Variants in KCNJ6 observed in about 807,000 individuals in gnomAD.
KCNJ6 encodes potassium inwardly rectifying channel subfamily J member 6.
In KCNJ6, 9 loss-of-function variants were observed where a neutral mutation model predicts 34.2. That is an observed-to-expected ratio of 0.26 (90% CI 0.16 to 0.46). The LOEUF is 0.46. Among genes scored for constraint, KCNJ6 ranks in the 20% least tolerant of loss-of-function variants. The pLI, the probability that KCNJ6 is intolerant of heterozygous loss-of-function variation, is 1.00. For synonymous variants in KCNJ6, 196 were observed against 207.1 expected (o/e 0.95, Z 0.46); for missense variants, 236 against 531.3 (o/e 0.44, Z 5.46).
intron 3 of KCNJ6, among the ~76,000 whole-genome samples, chr21:37,690,086 TAAAATTGTTTGATTGAA>T (rs2054632832): frequency 6.8e-6 from 1 of 147,038 alleles, no homozygotes; most frequent in Admixed American, 7.0e-5. Flanking sequence ...ATTATGCAAT[TAAAATTGTTTGATTGAA>T]ATTGTTTGAT....
chr21:37,904,565 A>C (rs1028233023), intron 1 of KCNJ6, among the ~76,000 whole-genome samples: 1 of 152,150 alleles, frequency 6.6e-6, no homozygotes, highest in Admixed American at 6.5e-5. Flanking sequence ...CTGTGCCATA[A>C]AGGTTAAGTT....
At chr21:37,636,468 T>G (rs1291683565) in intron 3 of KCNJ6, among the ~76,000 whole-genome samples, 1 of 152,248 alleles carries the variant, frequency 6.6e-6, no homozygotes, top group African/African-American at 2.4e-5. Flanking sequence ...CACTGAGAGC[T>G]TCTCTGTCTG....
chr21:37,809,455 A>G lies in KCNJ6; in HGVS notation c.25+31203T>C, dbSNP rs373258970. On this transcript the variant is annotated intron_variant, in intron 2 of 3. Coordinates refer to ENST00000609713, the MANE Select transcript of KCNJ6 (RefSeq NM_002240.5). ...ACGAGTTAATGGGTGCAGCACACCA[A>G]CATGGCACATGTATACACATGTAAC... is the stretch of plus-strand genomic sequence containing the variant. Among the ~76,000 whole-genome samples the G allele has an allele frequency of 2.6e-3, 398 of 152,044 alleles. 8 individuals are homozygous for G. The East Asian group carries it at 0.052, about 20-fold the overall frequency.
intron 1 of KCNJ6, among the ~76,000 whole-genome samples, chr21:37,908,455 G>A (rs2055852062): frequency 6.6e-6 from 1 of 152,176 alleles, no homozygotes; most frequent in Middle Eastern, 3.2e-3. Context: ...TGGACATTTA[G>A]GGGATTTAAA....
At chr21:37,867,951 T>C (rs774697901) in intron 1 of KCNJ6, among the ~76,000 whole-genome samples, 5 of 152,202 alleles carry the variant, frequency 3.3e-5, no homozygotes, top group Non-Finnish European at 7.3e-5. Context: ...AGCAGGTAGC[T>C]GGGGACAGAA....
intron 3 of KCNJ6, among the ~76,000 whole-genome samples, chr21:37,659,120 A>C (rs1010133922): frequency 9.9e-5 from 15 of 152,196 alleles, no homozygotes; most frequent in African/African-American, 3.6e-4. Context: ...CTGTGTCAAA[A>C]CTGTGCTCTC....
At chr21:37,810,595 C>T (rs991088876) in intron 2 of KCNJ6, among the ~76,000 whole-genome samples, 2 of 152,200 alleles carry the variant, frequency 1.3e-5, no homozygotes, top group Non-Finnish European at 2.9e-5. Context: ...TAAATATGAG[C>T]TTATAGCAGT....
intron 3 of KCNJ6, among the ~76,000 whole-genome samples, chr21:37,641,590 G>A (rs763243666): frequency 6.6e-6 from 1 of 152,106 alleles, no homozygotes; most frequent in Non-Finnish European, 1.5e-5. Flanking sequence ...GGCAACGTGT[G>A]GGGTAAGGGT....
At chr21:37,718,479 G>A (rs542524735) in intron 2 of KCNJ6, among the ~76,000 whole-genome samples, 1 of 152,216 alleles carries the variant, frequency 6.6e-6, no homozygotes, top group African/African-American at 2.4e-5. Flanking sequence ...TTTAGTGTTT[G>A]TAATGAATTA....
Position 37,614,132 on chromosome 21 carries a change from T to C in KCNJ6, c.*11027A>G, listed in dbSNP as rs1267411228. The C allele has an allele frequency of 1.3e-5, 2 of 152,176 alleles. No homozygotes were observed. Among genetic ancestry groups the C allele is most frequent in the African/African-American group, 4.8e-5 (2 of 41,424 alleles). 9.4% of individuals were successfully genotyped at this position (152,176 alleles called of 1,614,324 possible). A position where few individuals can be genotyped will look rare whatever the true frequency, so the allele number is the denominator to read the frequency against. ...AAGCTATTTCCGACCAGTGAAATGA[T>C]ATACCCAGGACGACATTGCTCATCT... On this transcript the variant is annotated 3_prime_UTR_variant, in exon 4 of 4. Coordinates refer to ENST00000609713, the MANE Select transcript of KCNJ6 (RefSeq NM_002240.5).
intron 3 of KCNJ6, among the ~76,000 whole-genome samples, chr21:37,704,657 G>GTTGTCA (rs1556021699): frequency 0.26 from 18,572 of 72,794 alleles, 1,464 homozygotes; most frequent in East Asian, 0.58. Flanking sequence ...AGTATGAGTC[G>GTTGTCA]TCGTCATCAT....
intron 2 of KCNJ6, among the ~76,000 whole-genome samples, chr21:37,804,198 C>T (rs1169613766): frequency 6.6e-6 from 1 of 152,114 alleles, no homozygotes; most frequent in East Asian, 1.9e-4. Context: ...CAAGTGTTGA[C>T]AAGGATGTGG....
At chr21:37,853,846 G>GTATATA (rs144698876) in intron 1 of KCNJ6, among the ~76,000 whole-genome samples, 30,931 of 115,908 alleles carry the variant, frequency 0.27, 4,698 homozygotes, top group South Asian at 0.42. Context: ...ATATATATAT[G>GTATATA]TATATATATA....
intron 3 of KCNJ6, among the ~76,000 whole-genome samples, chr21:37,686,331 T>C (rs1302481818): frequency 2.0e-5 from 3 of 152,058 alleles, no homozygotes; most frequent in African/African-American, 7.2e-5. Context: ...ATCACTCCAG[T>C]CCAACTGGCT....
At chr21:37,648,648 TAG>T (rs1216747961) in intron 3 of KCNJ6, among the ~76,000 whole-genome samples, 2 of 152,202 alleles carry the variant, frequency 1.3e-5, no homozygotes, top group Admixed American at 1.3e-4. Flanking sequence ...TCTCTTGGAA[TAG>T]ACAGTCTTAA....
At chr21:37,800,095 A>G (rs2055262020) in intron 2 of KCNJ6, among the ~76,000 whole-genome samples, 1 of 152,212 alleles carries the variant, frequency 6.6e-6, no homozygotes, top group Admixed American at 6.5e-5. Flanking sequence ...ATTCTCAGCT[A>G]AAGTCCTGGA....
intron 2 of KCNJ6, among the ~76,000 whole-genome samples, chr21:37,819,520 G>A (rs1261149729): frequency 6.6e-6 from 1 of 152,040 alleles, no homozygotes; most frequent in East Asian, 1.9e-4. Context: ...AAACTTCCCA[G>A]AACCTTATAT....
chr21:37,876,008 T>C (rs1156575857), intron 1 of KCNJ6, among the ~76,000 whole-genome samples: 1 of 152,244 alleles, frequency 6.6e-6, no homozygotes, highest in Non-Finnish European at 1.5e-5. Flanking sequence ...CAACATTTAA[T>C]GGGCTCAGAA....
chr21:37,811,056 G>A lies in KCNJ6; in HGVS notation c.25+29602C>T, dbSNP rs113413050. Among the ~76,000 whole-genome samples the A allele has an allele frequency of 9.9e-3, 1,504 of 152,210 alleles. 22 individuals are homozygous for A. Among genetic ancestry groups the A allele is most frequent in the African/African-American group, 0.034 (1,406 of 41,508 alleles). ...TCCATCCTCCGGGAAGAGGAGAGAG[G>A]CTGGAGATTGAGTTAATAATCAATC... On this transcript the variant is annotated intron_variant, in intron 2 of 3. Transcript: ENST00000609713.
Sources: allele counts gnomAD v4.1 joint callset (sites outside exome capture counted in the v4.1 genomes callset), GRCh38; gene constraint gnomAD v4.1.1; transcripts MANE v1.5; gene names NCBI Gene and HGNC (gene_info 2026-07-23, HGNC 2026-07-21).